Variants in MORN1 observed in about 807,000 individuals in gnomAD.
The protein encoded by MORN1 is MORN repeat-containing protein 1.
Under a neutral mutation model 61.9 loss-of-function variants are expected in MORN1, and 67 were observed. The ratio of observed to expected loss-of-function variants is 1.08; its 90% confidence interval spans 0.89 to 1.33. MORN1 has a LOEUF of 1.33. MORN1 is among the 40% of genes most tolerant of loss of function. MORN1 has a pLI of 0.00. For synonymous variants in MORN1, 301 were observed against 292.0 expected, an observed-to-expected ratio of 1.03 and a Z score of -0.31; for missense variants, 752 against 691.2, an observed-to-expected ratio of 1.09 and a Z score of -0.99.
chr1:2,345,235 A>G (rs1641488230), intron 10 of MORN1, among the ~76,000 whole-genome samples: 2 of 152,172 alleles, frequency 1.3e-5, no homozygotes, highest in African/African-American at 4.8e-5. Flanking sequence ...AGGCTGCCAC[A>G]CTCAGGGTCT....
chr1:2,378,792 G>A (rs1231106429), intron 6 of MORN1: 3 of 385,648 alleles, frequency 7.8e-6, no homozygotes, highest in South Asian at 1.9e-5. Context: ...CTGGGAGGTC[G>A]AGCAGTAAGC....
intron 3 of MORN1, 138 bp downstream of exon 3, chr1:2,388,101 C>T: frequency 1.5e-6 from 1 of 658,666 alleles, no homozygotes; most frequent in Non-Finnish European, 2.6e-6. Context: ...GTCCCCAGGG[C>T]TTCTCGGTAG....
chr1:2,339,589 A>G (rs1265973395), intron 10 of MORN1, among the ~76,000 whole-genome samples: 1 of 152,030 alleles, frequency 6.6e-6, no homozygotes, highest in Non-Finnish European at 1.5e-5. Context: ...CCTTCAAAAC[A>G]TATCTGTACC....
At chr1:2,386,125 A>G (rs1220429910) in intron 4 of MORN1, 3 of 548,304 alleles carry the variant, frequency 5.5e-6, no homozygotes, top group Non-Finnish European at 9.9e-6. Flanking sequence ...GCTTTGGGAC[A>G]GGTCGGTGAG....
chr1:2,326,130 C>A (rs1055358945), intron 12 of MORN1: 24 of 152,298 alleles, frequency 1.6e-4, no homozygotes, highest in African/African-American at 5.8e-4. Context: ...GAGCCAAGGG[C>A]TCCTTGACTC....
intron 12 of MORN1, among the ~76,000 whole-genome samples, chr1:2,330,714 A>G (rs1218168231): frequency 6.6e-6 from 1 of 152,180 alleles, no homozygotes; most frequent in Non-Finnish European, 1.5e-5. Context: ...GAGCAATGAC[A>G]CACAAGGTCG....
At position 2,388,294 on chromosome 1, in the gene MORN1, C is replaced by T. The variant is rs1245618860; in HGVS notation, c.192G>A (p.Gly64=). The change falls in exon 3 of 14, where the codon GGG becomes GGA. Residue 64 remains glycine, a synonymous_variant. Transcript: ENST00000378531. ...LLFKDGSYYE[G]AFVDGEITGE... ...CCGTGATCTCTCCGTCCACAAACGC[C>T]CCTTCGTAATAACTGCCATCTTTAA... 5 of 1,614,002 alleles carry T rather than the reference C, an allele frequency of 3.1e-6. No individual in the cohort carries two copies. Among genetic ancestry groups the T allele is most frequent in the Non-Finnish European group, 4.2e-6 (5 of 1,180,004 alleles).
At chr1:2,344,645 G>A (rs771021715) in intron 10 of MORN1, among the ~76,000 whole-genome samples, 7 of 152,190 alleles carry the variant, frequency 4.6e-5, no homozygotes, top group Admixed American at 6.5e-5. Context: ...GGCCTGCTCC[G>A]GCCTCCTTCC....
rs1417287923 is a variant in MORN1, at chr1:2,325,128, TTCCTTCCCTCCC to T, written c.1251-997_1251-986del. Among the ~76,000 whole-genome samples the T allele has an allele frequency of 2.6e-3, 227 of 87,926 alleles. 4 individuals are homozygous for T. Among genetic ancestry groups the T allele is most frequent in the East Asian group, 3.4e-3 (10 of 2,942 alleles). 57.7% of individuals were successfully genotyped at this position (87,926 alleles called of 152,430 possible). On this transcript the variant is annotated intron_variant, in intron 12 of 13. Coordinates refer to ENST00000378531, the MANE Select transcript of MORN1 (RefSeq NM_024848.3). ...CCTTTCCTTCCCTTCCTTCCCTTCC[TTCCTTCCCTCCC>T]TCCCTCCCTTCCTTCCCTCCCTTCC...
chr1:2,358,908 G>A (rs1478237639), intron 8 of MORN1, among the ~76,000 whole-genome samples, 193 bp from the exon 9 acceptor site: 1 of 152,162 alleles, frequency 6.6e-6, no homozygotes, highest in African/African-American at 2.4e-5. Context: ...ATGCCCTGCA[G>A]AAGTTTCCCA....
At chr1:2,373,909 C>T (rs1267598087) in intron 7 of MORN1, among the ~76,000 whole-genome samples, 1 of 152,222 alleles carries the variant, frequency 6.6e-6, no homozygotes, top group Non-Finnish European at 1.5e-5. Context: ...TGCAGGTGCC[C>T]CGGCGCAGGG....
intron 8 of MORN1, among the ~76,000 whole-genome samples, chr1:2,360,865 C>T (rs918923840): frequency 2.0e-5 from 3 of 152,180 alleles, no homozygotes; most frequent in African/African-American, 7.2e-5. Context: ...GGCAAGCTTT[C>T]AGAAGGGTCT....
intron 8 of MORN1, among the ~76,000 whole-genome samples, chr1:2,367,240 A>G (rs1402360684): frequency 6.6e-6 from 1 of 151,724 alleles, no homozygotes; most frequent in Non-Finnish European, 1.5e-5. Context: ...TCCTTCACGA[A>G]CAGGGATGCA....
intron 1 of MORN1, 41 bp downstream of exon 1, chr1:2,391,417 C>T (rs1279432304): frequency 2.4e-6 from 3 of 1,254,358 alleles, no homozygotes; most frequent in Non-Finnish European, 3.0e-6. Flanking sequence ...GAATGGAGCC[C>T]AGGGCAGCCA....
intron 1 of MORN1, 93 bp from the exon 2 acceptor site, chr1:2,390,089 G>A (rs1642609549): frequency 2.5e-6 from 3 of 1,189,226 alleles, no homozygotes; most frequent in Admixed American, 3.4e-5. Flanking sequence ...TCCCTTGAGG[G>A]CCTTCAAGGG....
chr1:2,321,882 G>T, intron 13 of MORN1: 1 of 461,714 alleles, frequency 2.2e-6, no homozygotes, highest in Non-Finnish European at 2.8e-6. Flanking sequence ...GGATGGACAC[G>T]ACCCTCGCAT....
At chr1:2,323,136 G>A in intron 13 of MORN1, 1 of 985,438 alleles carries the variant, frequency 1.0e-6, no homozygotes, top group Non-Finnish European at 1.2e-6. Context: ...TCCTGGGATG[G>A]CTGGGACGCG....
chr1:2,369,926 C>A (rs561111735), intron 8 of MORN1, among the ~76,000 whole-genome samples: 1 of 152,282 alleles, frequency 6.6e-6, no homozygotes, highest in East Asian at 1.9e-4. Flanking sequence ...CAGAGGGGTT[C>A]AACGCACCTC....
At chr1:2,365,700 T>C (rs570919802) in intron 8 of MORN1, among the ~76,000 whole-genome samples, 36 of 152,066 alleles carry the variant, frequency 2.4e-4, no homozygotes, top group Non-Finnish European at 3.2e-4. Context: ...GGGTTTGTCA[T>C]AGGCAGCCAA....
Sources: gnomAD v4.1 joint callset for allele counts (sites outside exome capture counted in the v4.1 genomes callset) on GRCh38, gnomAD v4.1.1 for gene constraint, MANE v1.5 for transcripts, NCBI Gene and HGNC (gene_info 2026-07-23, HGNC 2026-07-21) for gene names.